The following IDO2 variants were observed in gnomAD, a reference collection of about 807,000 sequenced individuals.
IDO2 encodes the protein indoleamine 2,3-dioxygenase 2.
Under a neutral mutation model 45.1 loss-of-function variants are expected in IDO2, and 46 were observed. The ratio of observed to expected loss-of-function variants is 1.02; its 90% confidence interval spans 0.80 to 1.30. The LOEUF (loss-of-function observed/expected upper bound fraction) is 1.30, where lower values mean the gene tolerates loss of function less well. IDO2 is among the 50% of genes most tolerant of loss of function. IDO2 has a pLI of 0.00. For missense variants in IDO2, 544 were observed against 491.8 expected (o/e 1.11, Z -1.00); for synonymous variants, 218 against 184.9 (o/e 1.18, Z -1.45).
chr8:39,952,621 G>A (rs1807829207), intron 2 of IDO2, among the ~76,000 whole-genome samples: 1 of 152,146 alleles, frequency 6.6e-6, no homozygotes, highest in African/African-American at 2.4e-5. Context: ...TGCCCTACGT[G>A]TGTAGAGGGG....
exon 7 of IDO2, chr8:39,987,928 G>A: frequency 6.2e-7 from 1 of 1,611,660 alleles, no homozygotes; most frequent in Non-Finnish European, 8.5e-7. Flanking sequence ...GTTTTATACT[G>A]GTGACTGCTT....
chr8:40,008,564 G>A (rs927476461), intron 9 of IDO2, among the ~76,000 whole-genome samples: 9 of 152,124 alleles, frequency 5.9e-5, no homozygotes, highest in Middle Eastern at 3.2e-3. Context: ...TGACAGACAT[G>A]CTATAGCATA....
intron 2 of IDO2, among the ~76,000 whole-genome samples, chr8:39,962,251 A>G (rs1362879349): frequency 3.9e-5 from 6 of 152,150 alleles, no homozygotes; most frequent in Admixed American, 2.6e-4. Flanking sequence ...CAAATTTAAT[A>G]ATCACATCAT....
intron 10 of IDO2, 107 bp from the exon 11 acceptor site, chr8:40,015,140 G>A: frequency 1.5e-6 from 1 of 682,282 alleles, no homozygotes; most frequent in Non-Finnish European, 2.4e-6. Flanking sequence ...GGGCAACAGA[G>A]CAAGATCTCA....
intron 3 of IDO2, among the ~76,000 whole-genome samples, chr8:39,977,681 T>TAAAAC (rs1459414108): frequency 8.5e-5 from 13 of 152,170 alleles, no homozygotes; most frequent in Non-Finnish European, 1.8e-4. Context: ...ATCCTGTTTC[T>TAAAAC]AAAACAAAAC....
chr8:39,990,450 C>T (rs1235033965), intron 8 of IDO2, among the ~76,000 whole-genome samples: 4 of 152,158 alleles, frequency 2.6e-5, no homozygotes, highest in Non-Finnish European at 5.9e-5. Flanking sequence ...TGTATAAATG[C>T]CTGATAACAA....
At chr8:39,994,347 T>C (rs1801998138) in intron 8 of IDO2, among the ~76,000 whole-genome samples, 1 of 151,892 alleles carries the variant, frequency 6.6e-6, no homozygotes, top group Non-Finnish European at 1.5e-5. Context: ...AACCTCTGCG[T>C]CCCAGGTTTA....
intron 9 of IDO2, among the ~76,000 whole-genome samples, chr8:40,009,495 G>A (rs1802278866): frequency 6.6e-6 from 1 of 151,164 alleles, no homozygotes; most frequent in Non-Finnish European, 1.5e-5. Context: ...CATTTTCTTG[G>A]GGTTGCTAGA....
At chr8:39,976,751 A>G (rs557883524) in intron 3 of IDO2, among the ~76,000 whole-genome samples, 1 of 152,266 alleles carries the variant, frequency 6.6e-6, no homozygotes, top group South Asian at 2.1e-4. Context: ...GACTGTCAAA[A>G]TGTTAGCTGA....
At chr8:40,004,517 C>T (rs1345317664) in intron 8 of IDO2, among the ~76,000 whole-genome samples, 1 of 125,766 alleles carries the variant, frequency 8.0e-6, no homozygotes, top group Admixed American at 8.7e-5. Context: ...ACAGATTAGA[C>T]AGACAGATGA....
intron 1 of IDO2, among the ~76,000 whole-genome samples, chr8:39,941,820 C>G (rs1254322956): frequency 6.6e-6 from 1 of 151,964 alleles, no homozygotes; most frequent in Non-Finnish European, 1.5e-5. Flanking sequence ...CATGGTGGCT[C>G]ACATCTGTAA....
intron 2 of IDO2, among the ~76,000 whole-genome samples, chr8:39,959,542 C>G (rs1807962203): frequency 2.3e-5 from 1 of 44,206 alleles, no homozygotes; most frequent in Non-Finnish European, 6.4e-5. Context: ...TAAACTTTGG[C>G]TGGGCACAGT....
At chr8:39,958,720 G>A (rs1326864691) in intron 2 of IDO2, among the ~76,000 whole-genome samples, 1 of 152,144 alleles carries the variant, frequency 6.6e-6, no homozygotes, top group African/African-American at 2.4e-5. Context: ...CAAAGTGCTG[G>A]GATTACAGGT....
intron 1 of IDO2, among the ~76,000 whole-genome samples, chr8:39,943,735 CAAAAAAAAA>C (rs61643070): frequency 1.1e-5 from 1 of 89,232 alleles, no homozygotes. Context: ...GACTCCATCT[CAAAAAAAAA>C]AAAAAAAAAA....
At chr8:39,974,803 C>G (rs572806862) in intron 3 of IDO2, among the ~76,000 whole-genome samples, 1 of 152,300 alleles carries the variant, frequency 6.6e-6, no homozygotes, top group African/African-American at 2.4e-5. Context: ...CACCTGTAGT[C>G]CCATCTACTT....
intron 9 of IDO2, among the ~76,000 whole-genome samples, chr8:40,009,452 T>C (rs72630598): frequency 1.2e-5 from 1 of 84,170 alleles, no homozygotes; most frequent in Non-Finnish European, 2.2e-5. Context: ...AAAAAAAAAA[T>C]GATCTCATTT....
intron 6 of IDO2, chr8:39,985,842 T>G (rs1808414461): frequency 4.1e-6 from 1 of 245,242 alleles, no homozygotes; most frequent in African/African-American, 2.3e-5. Context: ...AGTTTAATTT[T>G]TTTTTTGAGA....
intron 2 of IDO2, among the ~76,000 whole-genome samples, chr8:39,953,593 C>T (rs751273721): frequency 1.5e-4 from 23 of 151,904 alleles, no homozygotes; most frequent in East Asian, 5.8e-4. Context: ...AGACAGAGTC[C>T]GCTTTGTCGC....
intron 8 of IDO2, among the ~76,000 whole-genome samples, chr8:40,001,533 C>T (rs1035299824): frequency 6.6e-6 from 1 of 151,934 alleles, no homozygotes; most frequent in Admixed American, 6.6e-5. Flanking sequence ...CAGGAGTGAG[C>T]CACTGCGCCC....
Sources: gnomAD v4.1 joint callset for allele counts (sites outside exome capture counted in the v4.1 genomes callset) on GRCh38, gnomAD v4.1.1 for gene constraint, MANE v1.5 for transcripts, NCBI Gene and HGNC (gene_info 2026-07-23, HGNC 2026-07-21) for gene names.